SPINK5: variants seen among roughly 807,000 people sequenced by gnomAD.
The protein encoded by SPINK5 is serine protease inhibitor Kazal-type 5.
A neutral mutation model predicts 151.8 loss-of-function variants in SPINK5; 125 were observed. The observed-to-expected ratio is 0.82, with a 90% CI of 0.71 to 0.96. The LOEUF is 0.96. Ranked by LOEUF, SPINK5 falls within the 40% of genes least tolerant of loss-of-function variation. The probability of loss-of-function intolerance (pLI) is 0.00; values close to 1 mark genes in which losing one functional copy is unlikely to be tolerated. For missense variants in SPINK5, 1,194 were observed against 1,291.9 expected (o/e 0.92, Z 1.16); for synonymous variants, 374 against 395.3 (o/e 0.95, Z 0.64).
At chr5:148,065,242 A>C in intron 1 of SPINK5, 105 bp from the exon 2 acceptor site, 2 of 1,276,088 alleles carry the variant, frequency 1.6e-6, no homozygotes, top group Non-Finnish European at 2.2e-6. Context: ...GTTTTACAAC[A>C]TATTGTCATT....
intron 32 of SPINK5, among the ~76,000 whole-genome samples, chr5:148,135,792 A>C (rs1754681488): frequency 1.3e-5 from 2 of 152,170 alleles, no homozygotes; most frequent in Admixed American, 1.3e-4. Context: ...GAATCTCAAG[A>C]ATAGAATAAG....
chr5:148,106,160 C>T (rs187531920), intron 16 of SPINK5, among the ~76,000 whole-genome samples: 5 of 151,938 alleles, frequency 3.3e-5, no homozygotes. Context: ...TAACATATTC[C>T]TCCTTCTCTC....
chr5:148,121,639 A>C (rs911329596), intron 26 of SPINK5, among the ~76,000 whole-genome samples: 4 of 135,908 alleles, frequency 2.9e-5, no homozygotes, highest in Non-Finnish European at 6.4e-5. Context: ...TTATATATAG[A>C]AAATACTGAG....
At chr5:148,135,562 A>G (rs1754677089) in intron 32 of SPINK5, among the ~76,000 whole-genome samples, 1 of 152,186 alleles carries the variant, frequency 6.6e-6, no homozygotes, top group African/African-American at 2.4e-5. Context: ...AATGACAGAA[A>G]TTATTATGCT....
chr5:148,086,618 T>C (rs1345544692), intron 5 of SPINK5, 86 bp downstream of exon 5: 1 of 1,536,422 alleles, frequency 6.5e-7, no homozygotes, highest in East Asian at 2.3e-5. Flanking sequence ...GTCTTTAAGC[T>C]AACGATTCAT....
In SPINK5 at chr5:148,070,220, T is replaced by G. The variant is rs963368493; in HGVS notation, c.82-103T>G. ...CTTCAAAAAACCTTGGAATTGTGTG[T>G]GTATATATATGCAGACATATACATA... On this transcript the variant is annotated intron_variant, in intron 2 of 32. Transcript: ENST00000256084. 5.9e-6 allele frequency: 8 copies of G among 1,361,674 alleles called. No individual in the cohort carries two copies. In the African/African-American group the frequency reaches 1.2e-4, roughly 20 times the overall value. 84.3% of individuals were successfully genotyped at this position (1,361,674 alleles called of 1,614,324 possible).
At position 148,124,770 on chromosome 5, in the gene SPINK5, G is replaced by A. The variant is rs771456490; in HGVS notation, c.2672G>A (p.Arg891Gln). 16 of 1,600,346 alleles carry A rather than the reference G, an allele frequency of 1.0e-5. No homozygotes were observed. The highest frequency in any genetic ancestry group is 1.2e-5 in the Non-Finnish European group (14 of 1,173,330). Reference sequence around the variant, plus strand: ...TTTTTTTAATTATTCTGCAGTGATCGAGAAGCTAATGAAAGAAAAAAGAAA... The same window carrying A: ...TTTTTTTAATTATTCTGCAGTGATCAAGAAGCTAATGAAAGAAAAAAGAAA... Reference protein sequence around the residue: ...KCAMCQSIFDREANERKKKDE... With the variant: ...KCAMCQSIFDQEANERKKKDE... Residue 891 changes from arginine (R) to glutamine (Q), a missense_variant, in exon 28 of 33, where the codon CGA (arginine) becomes CAA (glutamine). Transcript: ENST00000256084.
At chr5:148,116,292 A>C in intron 21 of SPINK5, 78 bp from the exon 22 acceptor site, 1 of 1,417,070 alleles carries the variant, frequency 7.1e-7, no homozygotes, top group Non-Finnish European at 1.0e-6. Context: ...TGATTTGTTC[A>C]TATAATGAGA....
intron 18 of SPINK5, among the ~76,000 whole-genome samples, chr5:148,109,882 A>C (rs1378095801): frequency 6.6e-6 from 1 of 152,168 alleles, no homozygotes; most frequent in Non-Finnish European, 1.5e-5. Context: ...AGTGCCATAC[A>C]TGGTCTGATC....
At chr5:148,088,693 A>G in intron 6 of SPINK5, 88 bp downstream of exon 6, 1 of 1,292,232 alleles carries the variant, frequency 7.7e-7, no homozygotes, top group Non-Finnish European at 1.1e-6. Context: ...CTTAGGTGGG[A>G]GCCTTGGAAG....
chr5:148,073,817 C>T (rs1238061728), intron 4 of SPINK5, among the ~76,000 whole-genome samples: 1 of 8,664 alleles, frequency 1.2e-4, no homozygotes, highest in Admixed American at 1.3e-3. Flanking sequence ...GCCTGAGTCA[C>T]ACACACACAC....
Position 148,069,509 on chromosome 5 carries a change from T to C in SPINK5, c.82-814T>C, listed in dbSNP as rs541125694. ...AGAGAGAAAGAGAGAGAAAGCCTTA[T>C]GCAATTATTGAGAAATTTCCTCAGT... On this transcript the variant is annotated intron_variant, in intron 2 of 32. Coordinates refer to ENST00000256084, the MANE Select transcript of SPINK5 (RefSeq NM_006846.4). 2.7e-5 allele frequency among the ~76,000 whole-genome samples: 4 copies of C among 148,792 alleles called. No homozygotes were observed. In the South Asian group the frequency reaches 9.2e-4, roughly 34 times the overall value.
intron 2 of SPINK5, among the ~76,000 whole-genome samples, chr5:148,068,715 T>G (rs575997727): frequency 6.6e-6 from 1 of 152,140 alleles, no homozygotes; most frequent in South Asian, 2.1e-4. Context: ...GTTTATTTGT[T>G]TCCTGATACA....
chr5:148,105,998 T>TGTA (rs987304330), intron 16 of SPINK5, among the ~76,000 whole-genome samples: 5 of 152,068 alleles, frequency 3.3e-5, no homozygotes, highest in Non-Finnish European at 4.4e-5. Flanking sequence ...TGACACAGTT[T>TGTA]AAAATTTGCC....
intron 32 of SPINK5, among the ~76,000 whole-genome samples, chr5:148,134,267 T>C (rs1257540132): frequency 1.3e-5 from 2 of 152,136 alleles, no homozygotes; most frequent in East Asian, 3.9e-4. Context: ...ATAATGCCCA[T>C]ATTCTTGAAC....
rs540526323 is a variant in SPINK5, at chr5:148,064,128, C to T, written c.55+29C>T. ...AGCAATTTGTGTGTAATCTAAGCCTCTTGCCACACATCTCAAAGCCCTGGG... is the reference window on the plus strand; with the variant it reads ...AGCAATTTGTGTGTAATCTAAGCCTTTTGCCACACATCTCAAAGCCCTGGG... On this transcript the variant is annotated intron_variant, in intron 1 of 32. Transcript: ENST00000256084. The T allele has an allele frequency of 1.1e-5, 17 of 1,613,772 alleles. 1 individual carries two copies. In the South Asian group the frequency reaches 1.6e-4, roughly 16 times the overall value.
intron 4 of SPINK5, among the ~76,000 whole-genome samples, chr5:148,080,690 C>A (rs1199097314): frequency 2.0e-5 from 3 of 151,372 alleles, no homozygotes; most frequent in African/African-American, 7.3e-5. Flanking sequence ...TATGAAACTT[C>A]TCATGTAAAA....
At chr5:148,082,622 T>G (rs1258824482) in intron 4 of SPINK5, among the ~76,000 whole-genome samples, 1 of 12,670 alleles carries the variant, frequency 7.9e-5, no homozygotes, top group Non-Finnish European at 1.1e-4. Context: ...TTTTTTTTTT[T>G]TTTTTTGAGA....
intron 30 of SPINK5, 95 bp downstream of exon 30, chr5:148,127,174 A>G: frequency 4.6e-6 from 5 of 1,076,716 alleles, no homozygotes; most frequent in Non-Finnish European, 6.9e-6. Flanking sequence ...GAAGGGTCTG[A>G]GGTTTGCTGA....
Sources: allele counts gnomAD v4.1 joint callset (sites outside exome capture counted in the v4.1 genomes callset), GRCh38; gene constraint gnomAD v4.1.1; transcripts MANE v1.5; gene names NCBI Gene and HGNC (gene_info 2026-07-23, HGNC 2026-07-21).